Variants in ENTREP2 observed in about 807,000 individuals in gnomAD.
ENTREP2 encodes the protein endosomal transmembrane epsin interactor 2, also known as protein ENTREP2.
chr15:29,169,714 A>T, the ENTREP2 span, among the ~76,000 whole-genome samples: 2 of 152,138 alleles, frequency 1.3e-5, no homozygotes, highest in Admixed American at 1.3e-4. Flanking sequence ...GCAAAATAGC[A>T]GTTGGTATTT....
the ENTREP2 span, among the ~76,000 whole-genome samples, chr15:29,227,570 A>G: frequency 1.3e-5 from 2 of 152,136 alleles, no homozygotes; most frequent in African/African-American, 4.8e-5. Context: ...GGCTGGGAGG[A>G]CAAAGCACAG....
chr15:29,477,852 A>G, the ENTREP2 span, among the ~76,000 whole-genome samples: 18 of 151,614 alleles, frequency 1.2e-4, no homozygotes, highest in Non-Finnish European at 2.4e-4. Context: ...GATGGCCCTC[A>G]CTGGTCAATC....
At chr15:29,373,407 G>C in the ENTREP2 span, among the ~76,000 whole-genome samples, 3 of 152,060 alleles carry the variant, frequency 2.0e-5, no homozygotes, top group Non-Finnish European at 4.4e-5. Flanking sequence ...ATGAGATAGG[G>C]GAGCAAAAAG....
At chr15:29,144,185 T>C in the ENTREP2 span, among the ~76,000 whole-genome samples, 2 of 152,134 alleles carry the variant, frequency 1.3e-5, no homozygotes, top group Non-Finnish European at 2.9e-5. Flanking sequence ...GCCTGGTTAA[T>C]GAATAAGAAA....
the ENTREP2 span, among the ~76,000 whole-genome samples, chr15:29,211,036 C>A: frequency 6.6e-6 from 1 of 152,152 alleles, no homozygotes; most frequent in Admixed American, 6.5e-5. Context: ...ACTCCTAACA[C>A]TTAGGATCAG....
the ENTREP2 span, among the ~76,000 whole-genome samples, chr15:29,502,002 A>G: frequency 6.6e-6 from 1 of 152,032 alleles, no homozygotes; most frequent in African/African-American, 2.4e-5. Context: ...ACCATAAAAC[A>G]TTGCTGAAGT....
chr15:29,461,482 A>AT, the ENTREP2 span, among the ~76,000 whole-genome samples: 10 of 151,936 alleles, frequency 6.6e-5, no homozygotes, highest in Admixed American at 3.3e-4. Flanking sequence ...CCAGTTTTTT[A>AT]TTTTTTTATC....
the ENTREP2 span, chr15:29,118,334 C>CTGTT: frequency 6.6e-6 from 1 of 152,320 alleles, no homozygotes; most frequent in Non-Finnish European, 1.5e-5. Context: ...TGTGACTGGT[C>CTGTT]TGTTACCTCA....
At chr15:29,478,748 T>C in the ENTREP2 span, among the ~76,000 whole-genome samples, 1 of 144,072 alleles carries the variant, frequency 6.9e-6, no homozygotes, top group African/African-American at 2.6e-5. Context: ...CTACTAAAAA[T>C]ACAAAAATTA....
At chr15:29,537,367 A>T in the ENTREP2 span, among the ~76,000 whole-genome samples, 1 of 152,178 alleles carries the variant, frequency 6.6e-6, no homozygotes, top group Admixed American at 6.5e-5. Context: ...CGTTATCCTT[A>T]TATATACAAC....
At chr15:29,200,104 T>C in the ENTREP2 span, among the ~76,000 whole-genome samples, 1 of 152,154 alleles carries the variant, frequency 6.6e-6, no homozygotes, top group Non-Finnish European at 1.5e-5. Flanking sequence ...TTGATTACTG[T>C]GGCTATAAGT....
chr15:29,150,014 A>G, the ENTREP2 span, among the ~76,000 whole-genome samples: 1 of 152,218 alleles, frequency 6.6e-6, no homozygotes, highest in East Asian at 1.9e-4. Context: ...TTCTGCTGGT[A>G]AAGAGCCTCA....
the ENTREP2 span, among the ~76,000 whole-genome samples, chr15:29,311,957 T>A: frequency 6.6e-6 from 1 of 152,106 alleles, no homozygotes; most frequent in Non-Finnish European, 1.5e-5. Flanking sequence ...TATATGATCA[T>A]CTCTACAGAT....
chr15:29,327,526 T>C, the ENTREP2 span, among the ~76,000 whole-genome samples: 1 of 145,012 alleles, frequency 6.9e-6, no homozygotes, highest in Non-Finnish European at 1.5e-5. Flanking sequence ...ACCCGGGAGG[T>C]AGAGCTTGCA....
chr15:29,215,573 A>G, the ENTREP2 span, among the ~76,000 whole-genome samples: 1 of 121,184 alleles, frequency 8.3e-6, no homozygotes, highest in African/African-American at 3.1e-5. Context: ...ACTCAAATAT[A>G]TATAATATAT....
chr15:29,324,465 G>A, the ENTREP2 span, among the ~76,000 whole-genome samples: 1 of 152,056 alleles, frequency 6.6e-6, no homozygotes, highest in East Asian at 1.9e-4. Context: ...TTAAAAGACA[G>A]AAACTATCAG....
chr15:29,570,900 G>T, the ENTREP2 span, among the ~76,000 whole-genome samples: 2 of 144,760 alleles, frequency 1.4e-5, no homozygotes, highest in East Asian at 4.1e-4. Context: ...GGAGCCGGGC[G>T]CCCGCAGCCC....
the ENTREP2 span, chr15:29,613,490 A>C: frequency 2.3e-4 from 90 of 392,232 alleles, 2 homozygotes; most frequent in African/African-American, 1.7e-3. Context: ...GCAAGATCCG[A>C]GAAGAGGATC....
the ENTREP2 span, among the ~76,000 whole-genome samples, chr15:29,249,078 G>T: frequency 6.6e-6 from 1 of 152,032 alleles, no homozygotes; most frequent in Non-Finnish European, 1.5e-5. Flanking sequence ...TCCCACCAAG[G>T]CAGGCGGATC....
Sources: allele counts gnomAD v4.1 joint callset (sites outside exome capture counted in the v4.1 genomes callset), GRCh38; gene constraint gnomAD v4.1.1; transcripts MANE v1.5; gene names NCBI Gene and HGNC (gene_info 2026-07-23, HGNC 2026-07-21).